DPYD: variants seen among roughly 807,000 people sequenced by gnomAD.
DPYD encodes the protein dihydropyrimidine dehydrogenase [NADP(+)].
Under a neutral mutation model 116.2 loss-of-function variants are expected in DPYD, and 109 were observed. The observed-to-expected ratio is 0.94, with a 90% confidence interval of 0.80 to 1.10. The LOEUF (loss-of-function observed/expected upper bound fraction) is 1.10. Among genes scored for constraint, DPYD ranks in the 50% least tolerant of loss-of-function variants. The probability of loss-of-function intolerance (pLI) is 0.00; values close to 1 mark genes in which losing one functional copy is unlikely to be tolerated. For synonymous variants in DPYD, 440 were observed against 432.0 expected, an observed-to-expected ratio of 1.02 and a Z score of -0.23; for missense variants, 1,302 against 1,254.5, an observed-to-expected ratio of 1.04 and a Z score of -0.57.
At chr1:97,548,116 C>G (rs1651039235) in intron 12 of DPYD, among the ~76,000 whole-genome samples, 1 of 151,650 alleles carries the variant, frequency 6.6e-6, no homozygotes. Context: ...ACAAGAGAAC[C>G]AAAACAAGAG....
At chr1:97,724,293 TGGGGG>T (rs71883710) in intron 4 of DPYD, among the ~76,000 whole-genome samples, 21 of 21,804 alleles carry the variant, frequency 9.6e-4, no homozygotes, top group African/African-American at 2.5e-3. Context: ...AGGATGTATG[TGGGGG>T]GGGGGGGGGG....
chr1:97,295,666 A>G, intron 18 of DPYD: 1 of 649,666 alleles, frequency 1.5e-6, no homozygotes, highest in Non-Finnish European at 1.9e-6. Context: ...CCTGGGCTCA[A>G]GCAATCTGCC....
chr1:97,569,637 G>A (rs950752984), intron 11 of DPYD, among the ~76,000 whole-genome samples: 5 of 151,642 alleles, frequency 3.3e-5, no homozygotes, highest in Non-Finnish European at 5.9e-5. Flanking sequence ...ATATGGAGTC[G>A]TACATTCTTA....
At chr1:97,598,484 T>A (rs1468461049) in intron 8 of DPYD, among the ~76,000 whole-genome samples, 1 of 152,320 alleles carries the variant, frequency 6.6e-6, no homozygotes, top group East Asian at 1.9e-4. Flanking sequence ...GGAGGCCGGA[T>A]AGTTTGTTTC....
At chr1:97,670,386 G>T (rs2100893512) in intron 8 of DPYD, among the ~76,000 whole-genome samples, 1 of 152,304 alleles carries the variant, frequency 6.6e-6, no homozygotes, top group African/African-American at 2.4e-5. Context: ...AACTCATGAA[G>T]GTGGGGCCCC....
chr1:97,175,222 T>C (rs1657160014), intron 20 of DPYD, among the ~76,000 whole-genome samples: 1 of 149,590 alleles, frequency 6.7e-6, no homozygotes, highest in Non-Finnish European at 1.5e-5. Flanking sequence ...TTTTGAACAT[T>C]AGCTATTCTA....
intron 20 of DPYD, among the ~76,000 whole-genome samples, chr1:97,179,940 A>T (rs1468889660): frequency 6.6e-6 from 1 of 152,156 alleles, no homozygotes; most frequent in Non-Finnish European, 1.5e-5. Flanking sequence ...AAGGAGATGG[A>T]TATTTCATCT....
intron 8 of DPYD, among the ~76,000 whole-genome samples, chr1:97,596,415 T>G (rs1157758942): frequency 1.3e-5 from 2 of 152,112 alleles, no homozygotes; most frequent in African/African-American, 4.8e-5. Context: ...ACCAAAACTT[T>G]GAAAGGAAAA....
At chr1:97,217,571 T>C (rs1418524650) in intron 19 of DPYD, among the ~76,000 whole-genome samples, 3 of 151,878 alleles carry the variant, frequency 2.0e-5, no homozygotes, top group African/African-American at 7.3e-5. Context: ...TTAAATACCA[T>C]CAAAATAAAT....
chr1:97,389,545 C>G (rs1672558183), intron 14 of DPYD, among the ~76,000 whole-genome samples: 1 of 151,630 alleles, frequency 6.6e-6, no homozygotes, highest in Non-Finnish European at 1.5e-5. Flanking sequence ...GAGTTGAGAC[C>G]CATCTTATCA....
chr1:97,103,970 G>A (rs1050269324), intron 20 of DPYD, among the ~76,000 whole-genome samples: 3 of 151,944 alleles, frequency 2.0e-5, no homozygotes, highest in Non-Finnish European at 4.4e-5. Flanking sequence ...TTTTTCACCT[G>A]GTACATGCCA....
At chr1:97,485,900 T>C (rs1280983634) in intron 13 of DPYD, among the ~76,000 whole-genome samples, 2 of 152,226 alleles carry the variant, frequency 1.3e-5, no homozygotes, top group African/African-American at 4.8e-5. Flanking sequence ...TCATTGTGAG[T>C]TTGCATATAT....
intron 20 of DPYD, among the ~76,000 whole-genome samples, chr1:97,103,225 C>A (rs898915089): frequency 4.6e-5 from 7 of 152,184 alleles, no homozygotes; most frequent in African/African-American, 1.7e-4. Context: ...AGTTACTTTT[C>A]TTCTTTCCTC....
intron 14 of DPYD, among the ~76,000 whole-genome samples, chr1:97,426,117 G>C (rs1674854220): frequency 6.6e-6 from 1 of 151,978 alleles, no homozygotes; most frequent in Non-Finnish European, 1.5e-5. Flanking sequence ...AAGGAGGGTA[G>C]CAGAATCAGA....
intron 15 of DPYD, among the ~76,000 whole-genome samples, chr1:97,377,215 G>A (rs1671685088): frequency 6.6e-6 from 1 of 151,828 alleles, no homozygotes; most frequent in Non-Finnish European, 1.5e-5. Context: ...GAAATGAAAG[G>A]TGCCAAAAAA....
intron 8 of DPYD, among the ~76,000 whole-genome samples, chr1:97,663,862 G>A (rs1186203855): frequency 6.6e-6 from 1 of 152,172 alleles, no homozygotes; most frequent in African/African-American, 2.4e-5. Context: ...GCCCCAGCAT[G>A]TCTCCTGAAT....
rs113145453 is a variant in DPYD at position 97,285,683 on chromosome 1, ATTTT to A, written c.2299+19572_2299+19575del. Among the ~76,000 whole-genome samples, 202 of 138,520 alleles carry A rather than the reference ATTTT, an allele frequency of 1.5e-3. 2 individuals are homozygous for A. Among genetic ancestry groups the A allele is most frequent in the Middle Eastern group, 7.5e-3 (2 of 266 alleles). 90.9% of individuals were successfully genotyped at this position (138,520 alleles called of 152,430 possible). ...AAGTCAACTTTTTATTGTTCCTTTA[ATTTT>A]TTTTTTTTTTTTTTGAGACAGGGTC... On this transcript the variant is annotated intron_variant, in intron 18 of 22. Coordinates refer to ENST00000370192, the MANE Select transcript of DPYD (RefSeq NM_000110.4).
chr1:97,763,369 T>A (rs1270187630), intron 3 of DPYD, among the ~76,000 whole-genome samples: 1 of 152,082 alleles, frequency 6.6e-6, no homozygotes, highest in Non-Finnish European at 1.5e-5. Context: ...AACCAATGTT[T>A]TTTTTTAATT....
chr1:97,444,164 C>T (rs893316605), intron 14 of DPYD, among the ~76,000 whole-genome samples: 1 of 152,170 alleles, frequency 6.6e-6, no homozygotes, highest in African/African-American at 2.4e-5. Flanking sequence ...ATCTTCTTTC[C>T]TTGTCAGATC....
Sources: gnomAD v4.1 joint callset for allele counts (sites outside exome capture counted in the v4.1 genomes callset) on GRCh38, gnomAD v4.1.1 for gene constraint, MANE v1.5 for transcripts, NCBI Gene and HGNC (gene_info 2026-07-23, HGNC 2026-07-21) for gene names.